Variants in KIF18A observed in about 807,000 individuals in gnomAD.
KIF18A encodes kinesin family member 18A.
KIF18A carries 67 observed loss-of-function variants against 103.3 expected under a neutral mutation model. That is an observed-to-expected ratio of 0.65 (90% CI 0.53 to 0.79). The LOEUF (loss-of-function observed/expected upper bound fraction) is 0.79, where lower values mean the gene tolerates loss of function less well. Among genes scored for constraint, KIF18A ranks in the 30% least tolerant of loss-of-function variants. The pLI, the probability that KIF18A is intolerant of heterozygous loss-of-function variation, is 0.00. For synonymous variants in KIF18A, 367 were observed against 355.5 expected, an observed-to-expected ratio of 1.03 and a Z score of -0.36; for missense variants, 1,032 against 1,062.5, an observed-to-expected ratio of 0.97 and a Z score of 0.40.
intron 15 of KIF18A, among the ~76,000 whole-genome samples, chr11:28,027,252 T>C (rs1186338890): frequency 6.6e-6 from 1 of 151,910 alleles, no homozygotes; most frequent in Non-Finnish European, 1.5e-5. Flanking sequence ...TTTATATTTA[T>C]TGAGTATATT....
At chr11:28,068,203 C>G (rs2133537036) in intron 11 of KIF18A, among the ~76,000 whole-genome samples, 1 of 152,012 alleles carries the variant, frequency 6.6e-6, no homozygotes, top group Non-Finnish European at 1.5e-5. Context: ...TTCTCACTCA[C>G]AAGTGGGAGT....
intron 15 of KIF18A, among the ~76,000 whole-genome samples, chr11:28,026,476 C>T (rs1031991175): frequency 2.6e-5 from 4 of 151,638 alleles, no homozygotes; most frequent in African/African-American, 9.7e-5. Context: ...TAGTTAATGG[C>T]AGGATCTAAT....
At chr11:28,045,207 C>T (rs1481513790) in intron 13 of KIF18A, among the ~76,000 whole-genome samples, 2 of 151,894 alleles carry the variant, frequency 1.3e-5, no homozygotes, top group African/African-American at 4.8e-5. Context: ...AAATTGACTG[C>T]CTATACCTCA....
At chr11:28,106,181 A>G (rs1338911416) in intron 1 of KIF18A, among the ~76,000 whole-genome samples, 2 of 152,228 alleles carry the variant, frequency 1.3e-5, no homozygotes, top group African/African-American at 4.8e-5. Context: ...ACTTCTCACC[A>G]GAAGAATAAA....
intron 6 of KIF18A, among the ~76,000 whole-genome samples, 186 bp from the exon 7 acceptor site, chr11:28,084,994 T>C (rs965209550): frequency 5.3e-5 from 8 of 152,310 alleles, no homozygotes; most frequent in African/African-American, 1.9e-4. Context: ...AACTTAGATA[T>C]AGAGATGATC....
At chr11:28,047,753 G>T (rs1850656492) in intron 13 of KIF18A, among the ~76,000 whole-genome samples, 1 of 152,008 alleles carries the variant, frequency 6.6e-6, no homozygotes, top group African/African-American at 2.4e-5. Flanking sequence ...TTTCTTCACA[G>T]ACTCAAAAAT....
intron 6 of KIF18A, among the ~76,000 whole-genome samples, chr11:28,087,913 T>C (rs1851250375): frequency 1.3e-5 from 2 of 152,216 alleles, no homozygotes; most frequent in Admixed American, 1.3e-4. Context: ...TATTATAATT[T>C]TTTTGAAAGG....
intron 15 of KIF18A, among the ~76,000 whole-genome samples, chr11:28,034,799 A>G (rs1039830669): frequency 1.1e-4 from 16 of 151,754 alleles, no homozygotes; most frequent in Admixed American, 4.0e-4. Flanking sequence ...CTAGCTGTCT[A>G]TAGCATGTTT....
chr11:28,028,590 T>C (rs1298998664), intron 15 of KIF18A, among the ~76,000 whole-genome samples: 3 of 151,806 alleles, frequency 2.0e-5, no homozygotes, highest in Non-Finnish European at 4.4e-5. Flanking sequence ...AGATCTAAAA[T>C]TGACACCCTA....
At chr11:28,098,079 A>G in intron 1 of KIF18A, 86 bp from the exon 2 acceptor site, 2 of 683,676 alleles carry the variant, frequency 2.9e-6, no homozygotes, top group Non-Finnish European at 4.7e-6. Context: ...TTCAAAAAAG[A>G]TGTTAATAAT....
At position 28,094,794 on chromosome 11, in the gene KIF18A, G is replaced by C. The variant is rs1032490359; in HGVS notation, c.332C>G (p.Ala111Gly). The C allele has an allele frequency of 4.2e-5, 67 of 1,613,568 alleles. No individual in the cohort carries two copies. Among genetic ancestry groups the C allele is most frequent in the Non-Finnish European group, 5.4e-5 (64 of 1,179,786 alleles). ...CTTCCCAGCACCAGTGGCACCATAGGCAAGTACTGAGTTTTTAAGAAAGGG... is the reference window on the plus strand; with the variant it reads ...CTTCCCAGCACCAGTGGCACCATAGCCAAGTACTGAGTTTTTAAGAAAGGG... ...FLNGYNCTVLAYGATGAGKTH... is the reference protein window; with the variant it reads ...FLNGYNCTVLGYGATGAGKTH... The change falls in exon 3 of 17, where the codon GCC (alanine) becomes GGC (glycine). Residue 111 changes from alanine (A) to glycine (G), a missense_variant. Physicochemically the swap from Ala to Gly is moderately conservative, Grantham distance 60. Coordinates refer to ENST00000263181, the MANE Select transcript of KIF18A (RefSeq NM_031217.4).
intron 15 of KIF18A, among the ~76,000 whole-genome samples, chr11:28,030,380 A>G (rs1017006500): frequency 7.2e-5 from 11 of 151,816 alleles, no homozygotes; most frequent in African/African-American, 2.4e-4. Context: ...AATACCATAC[A>G]TCTACAACCA....
At chr11:28,090,770 A>G (rs774837681) in intron 4 of KIF18A, 43 bp from the exon 5 acceptor site, 5 of 878,376 alleles carry the variant, frequency 5.7e-6, no homozygotes, top group Middle Eastern at 2.3e-4. Context: ...AATCAGCAAT[A>G]TATCTTTAAA....
chr11:28,045,399 AG>A (rs1210241938), intron 13 of KIF18A, among the ~76,000 whole-genome samples: 2 of 151,780 alleles, frequency 1.3e-5, no homozygotes, highest in South Asian at 2.1e-4. Flanking sequence ...GCAGAAAAAA[AG>A]GAAAAAAAAA....
At chr11:28,088,468 TTTC>T in intron 6 of KIF18A, 53 bp downstream of exon 6, 1 of 1,375,922 alleles carries the variant, frequency 7.3e-7, no homozygotes, top group Non-Finnish European at 1.0e-6. Context: ...AAATAGTATC[TTTC>T]TTATCTATTT....
intron 5 of KIF18A, 92 bp from the exon 6 acceptor site, chr11:28,088,813 T>G (rs1180114719): frequency 7.2e-6 from 7 of 975,660 alleles, no homozygotes; most frequent in Non-Finnish European, 1.1e-5. Flanking sequence ...AAAATCAAAA[T>G]TATTTTCATT....
At chr11:28,026,322 T>C (rs1850320132) in intron 15 of KIF18A, among the ~76,000 whole-genome samples, 1 of 151,732 alleles carries the variant, frequency 6.6e-6, no homozygotes, top group Non-Finnish European at 1.5e-5. Flanking sequence ...TATTAGAATA[T>C]ATACACAACT....
chr11:28,061,127 T>TA (rs1850851557), intron 12 of KIF18A, among the ~76,000 whole-genome samples: 1 of 152,210 alleles, frequency 6.6e-6, no homozygotes, highest in Non-Finnish European at 1.5e-5. Context: ...TAGGCACCTA[T>TA]AACACAGGAA....
At chr11:28,096,905 A>T (rs1471956504) in intron 2 of KIF18A, among the ~76,000 whole-genome samples, 1 of 151,626 alleles carries the variant, frequency 6.6e-6, no homozygotes, top group Non-Finnish European at 1.5e-5. Context: ...TAAAAAGGAA[A>T]TCAACATGGC....
Sources: gnomAD v4.1 joint callset for allele counts (sites outside exome capture counted in the v4.1 genomes callset) on GRCh38, gnomAD v4.1.1 for gene constraint, MANE v1.5 for transcripts, NCBI Gene and HGNC (gene_info 2026-07-23, HGNC 2026-07-21) for gene names.